The following RIPOR2 variants were observed in gnomAD, a reference collection of about 807,000 sequenced individuals.
RIPOR2 encodes RHO family interacting cell polarization regulator 2.
A neutral mutation model predicts 114.5 loss-of-function variants in RIPOR2; 39 were observed. The observed-to-expected ratio is 0.34, with a 90% CI of 0.26 to 0.44. The LOEUF is 0.44. Among genes scored for constraint, RIPOR2 ranks in the 20% least tolerant of loss-of-function variants. RIPOR2 has a pLI of 1.00. For missense variants in RIPOR2, 1,007 were observed against 1,255.1 expected (o/e 0.80, Z 2.99); for synonymous variants, 445 against 484.4 (o/e 0.92, Z 1.07).
intron 1 of RIPOR2, among the ~76,000 whole-genome samples, chr6:24,932,305 A>G (rs1412574611): frequency 6.8e-6 from 1 of 146,590 alleles, no homozygotes; most frequent in African/African-American, 2.6e-5. Flanking sequence ...TAGGAAAGCA[A>G]ACTTAAGACT....
rs188006802 is a variant in RIPOR2, at chr6:24,841,825, C to A, written c.1857+1037G>T. Among the ~76,000 whole-genome samples, 33 of 151,628 alleles carry A rather than the reference C, an allele frequency of 2.2e-4. No individual in the cohort carries two copies. In the East Asian group the frequency reaches 5.6e-3, roughly 26 times the overall value. ...TAGAGATGGGATTTCATCATGTTGC[C>A]CGGTCTGGTCTCTAACTCCTGGGCT... On this transcript the variant is annotated intron_variant, in intron 13 of 21. Transcript: ENST00000643898.
At chr6:24,886,777 G>A (rs368841412) in intron 1 of RIPOR2, among the ~76,000 whole-genome samples, 1 of 152,144 alleles carries the variant, frequency 6.6e-6, no homozygotes, top group South Asian at 2.1e-4. Context: ...TTTCTCCTAC[G>A]GAAAGTTACT....
chr6:24,927,256 ACCACCACCACAGC>A (rs1770988024), intron 1 of RIPOR2, among the ~76,000 whole-genome samples: 1 of 152,116 alleles, frequency 6.6e-6, no homozygotes, highest in Admixed American at 6.5e-5. Flanking sequence ...CACCACCACC[ACCACCACCACAGC>A]TACAATCACC....
intron 1 of RIPOR2, among the ~76,000 whole-genome samples, chr6:24,958,499 T>G (rs582056): frequency 0.79 from 120,874 of 152,154 alleles, 51,606 homozygotes; most frequent in East Asian, 0.96. Context: ...ATTAACTCCT[T>G]ATTTTAGCAT....
At chr6:24,966,796 A>G (rs1773547586) in intron 1 of RIPOR2, among the ~76,000 whole-genome samples, 1 of 152,234 alleles carries the variant, frequency 6.6e-6, no homozygotes. Context: ...TCTGTGCTGT[A>G]CTTGACCATG....
At chr6:24,871,852 A>G (rs1765208760) in intron 4 of RIPOR2, among the ~76,000 whole-genome samples, 1 of 152,228 alleles carries the variant, frequency 6.6e-6, no homozygotes, top group South Asian at 2.1e-4. Flanking sequence ...AGATATTTGC[A>G]GCCACTGAGG....
chr6:24,896,496 G>A (rs1767900987), intron 1 of RIPOR2, among the ~76,000 whole-genome samples: 1 of 152,162 alleles, frequency 6.6e-6, no homozygotes, highest in African/African-American at 2.4e-5. Flanking sequence ...ATGTACCTGG[G>A]CTGTCATTTT....
At chr6:24,869,445 G>A (rs1450362309) in intron 5 of RIPOR2, among the ~76,000 whole-genome samples, 3 of 151,522 alleles carry the variant, frequency 2.0e-5, no homozygotes, top group African/African-American at 7.3e-5. Flanking sequence ...AGCCTCCCAA[G>A]TAGCTGGGAT....
intron 1 of RIPOR2, among the ~76,000 whole-genome samples, chr6:24,960,130 C>G (rs1773236573): frequency 6.6e-6 from 1 of 152,084 alleles, no homozygotes; most frequent in Non-Finnish European, 1.5e-5. Flanking sequence ...CTGTAAAAAC[C>G]AGGTATGGAA....
intron 1 of RIPOR2, among the ~76,000 whole-genome samples, chr6:24,982,032 G>A (rs1003988195): frequency 1.3e-5 from 2 of 152,188 alleles, no homozygotes; most frequent in African/African-American, 4.8e-5. Flanking sequence ...GGAATGGACT[G>A]ATGAAAAATG....
chr6:24,837,940 G>T (rs1369732431), intron 14 of RIPOR2, among the ~76,000 whole-genome samples: 1 of 152,146 alleles, frequency 6.6e-6, no homozygotes, highest in Non-Finnish European at 1.5e-5. Context: ...ACGTCATATT[G>T]TGCCAAGGTA....
At chr6:24,947,111 CT>C (rs1329320405) in intron 1 of RIPOR2, among the ~76,000 whole-genome samples, 5 of 152,088 alleles carry the variant, frequency 3.3e-5, no homozygotes, top group Non-Finnish European at 7.4e-5. Context: ...CAGATTGTGT[CT>C]GTTTTTTTAA....
intron 1 of RIPOR2, chr6:24,877,041 A>C: frequency 1.0e-6 from 1 of 985,284 alleles, no homozygotes; most frequent in Non-Finnish European, 1.2e-6. Flanking sequence ...AAGACTCCAA[A>C]GTGGGCAGAC....
chr6:24,806,533 A>C, intron 21 of RIPOR2, 60 bp from the exon 22 acceptor site: 2 of 1,258,752 alleles, frequency 1.6e-6, no homozygotes, highest in Non-Finnish European at 2.2e-6. Context: ...TAATTACTCA[A>C]AGTAACATAG....
At chr6:24,917,615 C>T (rs754471471) in intron 1 of RIPOR2, among the ~76,000 whole-genome samples, 3 of 152,084 alleles carry the variant, frequency 2.0e-5, no homozygotes, top group African/African-American at 4.8e-5. Context: ...CTGCAACCTC[C>T]GCCTCCCGGG....
rs1491374316 is a variant in RIPOR2, at chr6:25,005,740, T to TATATATATAC, written c.76+36110_76+36111insGTATATATAT. ...ATATATATATATATATATATATATA[T>TATATATATAC]ACATTTACCGATCAAAAGATATGCC... is the stretch of plus-strand genomic sequence containing the variant. On this transcript the variant is annotated intron_variant, in intron 1 of 13. Transcript: ENST00000510784. Among the ~76,000 whole-genome samples the TATATATATAC allele has an allele frequency of 1.7e-3, 181 of 104,478 alleles. 13 individuals carry two copies. Among genetic ancestry groups the TATATATATAC allele is most frequent in the East Asian group, 0.011 (29 of 2,600 alleles). The allele number at this position is 104,478 out of a possible 152,430, so 68.5% of individuals were successfully genotyped here. A position where few individuals can be genotyped will look rare whatever the true frequency, so the allele number is the denominator to read the frequency against.
At chr6:24,950,407 C>T (rs1378303237) in intron 1 of RIPOR2, among the ~76,000 whole-genome samples, 3 of 152,192 alleles carry the variant, frequency 2.0e-5, no homozygotes, top group African/African-American at 7.2e-5. Context: ...TTGGGCTCTG[C>T]ATTCACTCTT....
Position 24,847,547 on chromosome 6 carries a change from G to A in RIPOR2, c.1164+478C>T, listed in dbSNP as rs1365416533. ...CCCGGGCAGGCCACACTCACATAGA[G>A]CTCTAGCACGGCCTTGGGACTCGGC... On this transcript the variant is annotated intron_variant, in intron 12 of 21. Coordinates refer to ENST00000643898, the MANE Select transcript of RIPOR2 (RefSeq NM_001286445.3). The A allele has an allele frequency of 6.4e-6, 10 of 1,551,526 alleles. No homozygotes were observed. In the Admixed American group the frequency reaches 1.2e-4, roughly 18 times the overall value.
At chr6:25,028,578 A>G (rs11964330) in intron 1 of RIPOR2, among the ~76,000 whole-genome samples, 7,679 of 152,310 alleles carry the variant, frequency 0.05, 429 homozygotes, top group African/African-American at 0.14. Context: ...ATAATGCCCA[A>G]TAGGGGAGCT....
Sources: gnomAD v4.1 joint callset for allele counts (sites outside exome capture counted in the v4.1 genomes callset) on GRCh38, gnomAD v4.1.1 for gene constraint, MANE v1.5 for transcripts, NCBI Gene and HGNC (gene_info 2026-07-23, HGNC 2026-07-21) for gene names.